KHDRBS2: variants seen among roughly 807,000 people sequenced by gnomAD.
The protein encoded by KHDRBS2 is KH domain-containing, RNA-binding, signal transduction-associated protein 2.
A neutral mutation model predicts 44.3 loss-of-function variants in KHDRBS2; 26 were observed. The ratio of observed to expected loss-of-function variants is 0.59; its 90% CI spans 0.43 to 0.81. The LOEUF (loss-of-function observed/expected upper bound fraction) is 0.81. Ranked by LOEUF, KHDRBS2 falls within the 40% of genes least tolerant of loss-of-function variation. KHDRBS2 has a pLI of 0.00. For missense variants in KHDRBS2, 476 were observed against 433.1 expected, an observed-to-expected ratio of 1.10 and a Z score of -0.88; for synonymous variants, 194 against 151.1, an observed-to-expected ratio of 1.28 and a Z score of -2.08.
rs189928286 is a variant in KHDRBS2 at position 61,822,146 on chromosome 6, T to C, written c.810+72489A>G. ...CAAACCAACTTTTTCTGATAAACTT[T>C]AGACCTGTATTGCCCACTGCCAATT... On this transcript the variant is annotated intron_variant, in intron 6 of 8. Coordinates refer to ENST00000281156, the MANE Select transcript of KHDRBS2 (RefSeq NM_152688.4). 2.9e-3 allele frequency among the ~76,000 whole-genome samples: 442 copies of C among 152,138 alleles called. 3 individuals carry two copies. Among genetic ancestry groups the C allele is most frequent in the Non-Finnish European group, 4.8e-3 (323 of 67,936 alleles).
chr6:61,733,595 T>C (rs912285442), intron 6 of KHDRBS2, among the ~76,000 whole-genome samples: 4 of 140,796 alleles, frequency 2.8e-5, no homozygotes, highest in Non-Finnish European at 6.2e-5. Flanking sequence ...AAACTCCATC[T>C]CAAAAAAGAA....
chr6:62,089,225 T>G (rs866248625), intron 2 of KHDRBS2, among the ~76,000 whole-genome samples: 81 of 136,056 alleles, frequency 6.0e-4, no homozygotes, highest in African/African-American at 2.1e-3. Flanking sequence ...TCCAGGGGAG[T>G]GAACAGTTCT....
chr6:62,269,312 T>G (rs999857280), intron 1 of KHDRBS2, among the ~76,000 whole-genome samples: 2 of 152,020 alleles, frequency 1.3e-5, no homozygotes, highest in African/African-American at 4.8e-5. Flanking sequence ...AGCCACATAT[T>G]AGGGAAAAAT....
At position 61,931,766 on chromosome 6, in the gene KHDRBS2, G is replaced by A. The variant is rs558621143; in HGVS notation, c.484-30395C>T. Among the ~76,000 whole-genome samples, 286 of 152,028 alleles carry A rather than the reference G, an allele frequency of 1.9e-3. 1 individual carries two copies. The highest frequency in any genetic ancestry group is 5.7e-3 in the African/African-American group (236 of 41,472). ...TATGCAGATTTTTTTTTAAAGAAAA[G>A]TTGCACTGAGTGTGTCTGCCTATCC... is the stretch of plus-strand genomic sequence containing the variant. On this transcript the variant is annotated intron_variant, in intron 4 of 8. Coordinates refer to ENST00000281156, the MANE Select transcript of KHDRBS2 (RefSeq NM_152688.4).
the KHDRBS2 span, among the ~76,000 whole-genome samples, chr6:61,616,535 T>G: frequency 6.6e-6 from 1 of 150,770 alleles, no homozygotes; most frequent in Non-Finnish European, 1.5e-5. Flanking sequence ...TAACATAAAT[T>G]TTTTTAAATA....
chr6:62,105,784 C>A (rs1371949775), intron 2 of KHDRBS2, among the ~76,000 whole-genome samples: 2 of 151,982 alleles, frequency 1.3e-5, no homozygotes, highest in Non-Finnish European at 2.9e-5. Context: ...TCCTTCAGTT[C>A]TGCTCTGATT....
At chr6:62,195,510 C>T (rs1825493879) in intron 1 of KHDRBS2, among the ~76,000 whole-genome samples, 1 of 152,028 alleles carries the variant, frequency 6.6e-6, no homozygotes, top group African/African-American at 2.4e-5. Context: ...AGTCAACAAA[C>T]AAAAGTTCTC....
chr6:61,549,897 C>T, the KHDRBS2 span, among the ~76,000 whole-genome samples: 2 of 152,050 alleles, frequency 1.3e-5, no homozygotes, highest in Non-Finnish European at 2.9e-5. Context: ...TCTTTTTGGT[C>T]ATTTGGAAAA....
chr6:61,616,566 GATTTA>G, the KHDRBS2 span, among the ~76,000 whole-genome samples: 2 of 144,394 alleles, frequency 1.4e-5, no homozygotes, highest in African/African-American at 4.9e-5. Flanking sequence ...ATGATCAAGT[GATTTA>G]ATTAATTTGA....
chr6:62,264,749 C>A (rs1838921216), intron 1 of KHDRBS2, among the ~76,000 whole-genome samples: 1 of 151,524 alleles, frequency 6.6e-6, no homozygotes, highest in African/African-American at 2.4e-5. Flanking sequence ...TATTTTGAAT[C>A]ATATATATGA....
intron 6 of KHDRBS2, among the ~76,000 whole-genome samples, chr6:61,838,675 A>G (rs1241063528): frequency 6.6e-6 from 1 of 151,976 alleles, no homozygotes; most frequent in Non-Finnish European, 1.5e-5. Flanking sequence ...ATATAAACAT[A>G]CCTGAATCCA....
chr6:62,004,913 C>T (rs1458861508), intron 3 of KHDRBS2, among the ~76,000 whole-genome samples: 1 of 151,990 alleles, frequency 6.6e-6, no homozygotes, highest in Non-Finnish European at 1.5e-5. Flanking sequence ...AGACAAAAAC[C>T]ACATGATTTT....
At chr6:61,631,728 G>A in the KHDRBS2 span, among the ~76,000 whole-genome samples, 1 of 152,160 alleles carries the variant, frequency 6.6e-6, no homozygotes, top group Non-Finnish European at 1.5e-5. Context: ...ACGTAAGTTA[G>A]TTATTTTGTT....
the KHDRBS2 span, among the ~76,000 whole-genome samples, chr6:61,565,714 T>C: frequency 6.6e-6 from 1 of 152,100 alleles, no homozygotes; most frequent in Non-Finnish European, 1.5e-5. Flanking sequence ...GGTGGGAATG[T>C]AAATGTGGGA....
the KHDRBS2 span, among the ~76,000 whole-genome samples, chr6:61,545,112 G>A: frequency 6.6e-6 from 1 of 151,910 alleles, no homozygotes; most frequent in Non-Finnish European, 1.5e-5. Context: ...TGAGTAGGAA[G>A]CTGCTCCATG....
At chr6:62,096,376 C>A (rs1562847102) in intron 2 of KHDRBS2, among the ~76,000 whole-genome samples, 1 of 151,708 alleles carries the variant, frequency 6.6e-6, no homozygotes. Context: ...TGATGGGAGA[C>A]TTTTTATTTC....
chr6:61,990,110 G>C (rs1775849819), intron 3 of KHDRBS2, among the ~76,000 whole-genome samples: 2 of 151,976 alleles, frequency 1.3e-5, no homozygotes, highest in Admixed American at 1.3e-4. Context: ...CCTCTACGTG[G>C]ACCACCAGAG....
intron 1 of KHDRBS2, among the ~76,000 whole-genome samples, chr6:62,253,322 C>G (rs2150176185): frequency 6.6e-6 from 1 of 152,042 alleles, no homozygotes; most frequent in African/African-American, 2.4e-5. Context: ...CATAATTTAT[C>G]CATATTCGCA....
At chr6:62,131,428 G>C (rs899508689) in intron 2 of KHDRBS2, among the ~76,000 whole-genome samples, 1 of 152,130 alleles carries the variant, frequency 6.6e-6, no homozygotes, top group Non-Finnish European at 1.5e-5. Flanking sequence ...TAGTGCATAG[G>C]GGCAGTACAA....
Sources: allele counts gnomAD v4.1 joint callset (sites outside exome capture counted in the v4.1 genomes callset), GRCh38; gene constraint gnomAD v4.1.1; transcripts MANE v1.5; gene names NCBI Gene and HGNC (gene_info 2026-07-23, HGNC 2026-07-21).